MIF4GD: variants seen among roughly 807,000 people sequenced by gnomAD.
The protein encoded by MIF4GD is MIF4G domain containing.
In MIF4GD, 22 loss-of-function variants were observed where a neutral mutation model predicts 26.7. That is an observed-to-expected ratio of 0.82 (90% CI 0.59 to 1.18). MIF4GD has a LOEUF of 1.18. Ranked by LOEUF, MIF4GD falls within the 50% of genes most tolerant of loss-of-function variation. MIF4GD has a pLI of 0.00. For missense variants in MIF4GD, 262 were observed against 279.6 expected (o/e 0.94, Z 0.45); for synonymous variants, 137 against 111.6 (o/e 1.23, Z -1.43).
Position 75,270,765 on chromosome 17 carries a change from G to C in MIF4GD, c.-51+379C>G, listed in dbSNP as rs1333546559. On this transcript the variant is annotated intron_variant, in intron 1 of 5. Coordinates refer to ENST00000325102, the MANE Select transcript of MIF4GD (RefSeq NM_001370592.1). This position sits in a 1 kb window ranked among gnomAD's most constrained non-coding sequence, Gnocchi z 5.7. ...TCCCCCGGATGGGGCCGGCCTGCGT[G>C]GGTGGGGACGCAGGCGCCCTGTCCG... The C allele has an allele frequency of 6.4e-6, 1 of 155,656 alleles. No individual in the cohort carries two copies. The highest frequency in any genetic ancestry group is 2.4e-5 in the African/African-American group (1 of 41,486). 9.6% of individuals were successfully genotyped at this position (155,656 alleles called of 1,614,324 possible).
At position 75,266,875 on chromosome 17, in the gene MIF4GD, C is replaced by G; in HGVS notation, c.534G>C (p.Arg178=). Residue 178 remains arginine (R), a synonymous_variant, in exon 6 of 6, where the codon CGG becomes CGC. Coordinates refer to ENST00000325102, the MANE Select transcript of MIF4GD (RefSeq NM_001370592.1). ...GGCCAGTTGGGAGCAGGAAGCCATC[C>G]CGGATCAGCACAAAGAGCTCATCCA... The part of the protein sequence containing the change: ...QRMDELFVLI[R]DGFLLPTGLS... The G allele has an allele frequency of 6.2e-7, 1 of 1,614,186 alleles. No individual in the cohort carries two copies. The highest frequency in any genetic ancestry group is 1.3e-5 in the African/African-American group (1 of 75,042).
rs752277756 is a variant in MIF4GD, at chr17:75,266,890, G to A, written c.519C>T (p.Leu173=). 14 of 1,614,068 alleles carry A rather than the reference G, an allele frequency of 8.7e-6. No homozygotes were observed. Among genetic ancestry groups the A allele is most frequent in the African/African-American group, 1.3e-5 (1 of 74,922 alleles). ...GGAAGCCATCCCGGATCAGCACAAA[G>A]AGCTCATCCATGCGCTGCCCATTCA... The part of the protein sequence containing the change: ...EKMNGQRMDE[L]FVLIRDGFLL... The change falls in exon 6 of 6, where the codon CTC becomes CTT. Residue 173 remains leucine, a synonymous_variant. Transcript: ENST00000325102.
Position 75,266,691 on chromosome 17 carries a change from G to A in MIF4GD, c.*49C>T. ...AGAGACTCCACTGCCAGCTTTAGAGGTGGGTAGAAGAAAGGCCAGTGCTGG... is the reference window on the plus strand; with the variant it reads ...AGAGACTCCACTGCCAGCTTTAGAGATGGGTAGAAGAAAGGCCAGTGCTGG... On this transcript the variant is annotated 3_prime_UTR_variant, in exon 6 of 6. Coordinates refer to ENST00000325102, the MANE Select transcript of MIF4GD (RefSeq NM_001370592.1). 1.3e-6 allele frequency: 2 copies of A among 1,558,364 alleles called. No homozygotes were observed. Among genetic ancestry groups the A allele is most frequent in the Non-Finnish European group, 8.9e-7 (1 of 1,129,472 alleles).
In MIF4GD at chr17:75,270,272, C is replaced by T; in HGVS notation, c.-50-27G>A. ...TGAGGAGAAGAGGCGAAGGGAGCGG[C>T]CTCAGGTGTGGAGCGCAGGGCGGGT... On this transcript the variant is annotated intron_variant, in intron 1 of 5. Transcript: ENST00000325102. This position sits in a 1 kb window ranked among gnomAD's most constrained non-coding sequence, Gnocchi z 5.7. The T allele has an allele frequency of 7.4e-7, 1 of 1,351,978 alleles. No homozygotes were observed. Among genetic ancestry groups the T allele is most frequent in the Non-Finnish European group, 1.1e-6 (1 of 945,650 alleles). 83.7% of individuals were successfully genotyped at this position (1,351,978 alleles called of 1,614,324 possible).
rs1310650050 is a variant in MIF4GD, at chr17:75,270,983, C to T, written c.-51+161G>A. ...TGCGCCCCGGAGAGGTGGCTCCCGC[C>T]GGAGGCTCCCCTCTGGCCGTAGGAG... On this transcript the variant is annotated intron_variant, in intron 1 of 5. Coordinates refer to ENST00000325102, the MANE Select transcript of MIF4GD (RefSeq NM_001370592.1). This position sits in a 1 kb window ranked among gnomAD's most constrained non-coding sequence, Gnocchi z 5.7. 6.6e-6 allele frequency: 1 copy of T among 152,216 alleles called. No individual in the cohort carries two copies. Among genetic ancestry groups the T allele is most frequent in the African/African-American group, 2.4e-5 (1 of 41,454 alleles). The allele number at this position is 152,216 out of a possible 1,614,324, so 9.4% of individuals were successfully genotyped here. A position where few individuals can be genotyped will look rare whatever the true frequency, so the allele number is the denominator to read the frequency against.
In MIF4GD at chr17:75,266,602, G is replaced by A. The variant is rs2077491220; in HGVS notation, c.*138C>T. ...GCATAAGTGGGAAACATCTCACCAG[G>A]AGATGGGAAAGTCTAGAAGGGAAGA... On this transcript the variant is annotated 3_prime_UTR_variant, in exon 6 of 6. Transcript: ENST00000325102. 1 of 790,276 alleles carries A rather than the reference G, an allele frequency of 1.3e-6. No individual in the cohort carries two copies. The highest frequency in any genetic ancestry group is 1.7e-5 in the African/African-American group (1 of 58,318). 49.0% of individuals were successfully genotyped at this position (790,276 alleles called of 1,614,324 possible). A position where few individuals can be genotyped will look rare whatever the true frequency, so the allele number is the denominator to read the frequency against.
In MIF4GD at chr17:75,267,806, G is replaced by A; in HGVS notation, c.288C>T (p.Arg96=). 5 of 1,614,076 alleles carry A rather than the reference G, an allele frequency of 3.1e-6. No individual in the cohort carries two copies. The highest frequency in any genetic ancestry group is 3.4e-6 in the Non-Finnish European group (4 of 1,180,012). ...CATAGCAGACCCAGCCCTGCAGGGA[G>A]CGTGCTCGCAGCTGCTCCCGAGCCT... ...EYQAREQLRA[R]SLQGWVCYVT... The change falls in exon 4 of 6, where the codon CGC becomes CGT. Residue 96 remains arginine (R), a synonymous_variant. Coordinates refer to ENST00000325102, the MANE Select transcript of MIF4GD (RefSeq NM_001370592.1).
intron 2 of MIF4GD, chr17:75,269,547 A>T: frequency 1.3e-6 from 1 of 766,082 alleles, no homozygotes; most frequent in Non-Finnish European, 1.8e-6. Flanking sequence ...TTATGGTTAA[A>T]CTTTTTTTTT....
At chr17:75,268,671 C>CAAA (rs1192409186) in intron 2 of MIF4GD, among the ~76,000 whole-genome samples, 2 of 47,840 alleles carry the variant, frequency 4.2e-5, no homozygotes, top group Admixed American at 2.5e-4. Context: ...GACTCCGTCT[C>CAAA]AAAAAAAAAA....
rs2077488237 is a variant in MIF4GD at position 75,266,494 on chromosome 17, A to C, written c.*246T>G. 3 of 571,200 alleles carry C rather than the reference A, an allele frequency of 5.3e-6. No individual in the cohort carries two copies. The highest frequency in any genetic ancestry group is 6.3e-6 in the Non-Finnish European group (2 of 317,754). The allele number at this position is 571,200 out of a possible 1,614,324, so 35.4% of individuals were successfully genotyped here. ...GTAGTAGTTGCACTAATGGTTACAC[A>C]GTGCAGTGGCTCTTGGGAGTTGCCC... On this transcript the variant is annotated 3_prime_UTR_variant, in exon 6 of 6. Transcript: ENST00000325102.
intron 3 of MIF4GD, 22 bp from the exon 4 acceptor site, chr17:75,267,923 G>A (rs916964519): frequency 5.6e-6 from 9 of 1,606,838 alleles, no homozygotes; most frequent in Non-Finnish European, 6.8e-6. Context: ...GGAGAGGAAG[G>A]TGAAGGGTGG....
Position 75,268,083 on chromosome 17 carries a change from C to G in MIF4GD, c.192G>C (p.Gln64His). 1 of 1,614,124 alleles carries G rather than the reference C, an allele frequency of 6.2e-7. No homozygotes were observed. The highest frequency in any genetic ancestry group is 8.5e-7 in the Non-Finnish European group (1 of 1,179,934). ...TTCCTTTCCTCTCCCAACCCCCAAC[C>G]TGAATGATGGCGTAGCACATGCGTC... is the stretch of plus-strand genomic sequence containing the variant. ...EAGRMCYAII[Q>H]AESKQAGQSV... The change falls in exon 3 of 6, where the codon CAG becomes CAC. Residue 64 changes from glutamine (Q) to histidine (H), a missense_variant and splice_region_variant. Coordinates refer to ENST00000325102, the MANE Select transcript of MIF4GD (RefSeq NM_001370592.1).
At chr17:75,269,818 A>C (rs1336743170) in intron 2 of MIF4GD, among the ~76,000 whole-genome samples, 1 of 149,436 alleles carries the variant, frequency 6.7e-6, no homozygotes, top group African/African-American at 2.5e-5. Context: ...GACTCAAGCA[A>C]TCTGCCCACC....
chr17:75,267,471 C>CA (rs1567821249), intron 5 of MIF4GD, 67 bp downstream of exon 5: 2 of 1,513,836 alleles, frequency 1.3e-6, no homozygotes, highest in South Asian at 1.1e-5. Context: ...AGTGGGCTGA[C>CA]ACACGGCTGA....
chr17:75,266,298 G>T lies in MIF4GD; in HGVS notation c.*442C>A, dbSNP rs2077483192. 1 of 357,064 alleles carries T rather than the reference G, an allele frequency of 2.8e-6. No homozygotes were observed. Among genetic ancestry groups the T allele is most frequent in the Non-Finnish European group, 5.2e-6 (1 of 190,806 alleles). 22.1% of individuals were successfully genotyped at this position (357,064 alleles called of 1,614,324 possible). A position where few individuals can be genotyped will look rare whatever the true frequency, so the allele number is the denominator to read the frequency against. The stretch of plus-strand genomic sequence containing the variant: ...GGTGTAGCATGTGGTGCAGCATTCA[G>T]TGAAACTGGCTGGAGGAAATAGGCT... On this transcript the variant is annotated 3_prime_UTR_variant, in exon 6 of 6. Coordinates refer to ENST00000325102, the MANE Select transcript of MIF4GD (RefSeq NM_001370592.1).
At position 75,269,306 on chromosome 17, in the gene MIF4GD, G is replaced by T; in HGVS notation, c.82+808C>A. On this transcript the variant is annotated intron_variant, in intron 2 of 5. Coordinates refer to ENST00000325102, the MANE Select transcript of MIF4GD (RefSeq NM_001370592.1). ...TAGGGCCTCCCAACAGGCTCGGCTT[G>T]ACACATGATGGGTGTTGCTAATTAT... The T allele has an allele frequency of 1.9e-6, 3 of 1,609,678 alleles. No homozygotes were observed. In the South Asian group the frequency reaches 3.3e-5, roughly 18 times the overall value.
Position 75,267,986 on chromosome 17 carries a change from C to G in MIF4GD, c.193-85G>C, listed in dbSNP as rs1256381110. Reference sequence around the variant, plus strand: ...TCCTATGCCTCTCTCTCTCTTTGAGCTAGACCCTGTGCATCTCTGTCCTGC... The same window carrying G: ...TCCTATGCCTCTCTCTCTCTTTGAGGTAGACCCTGTGCATCTCTGTCCTGC... On this transcript the variant is annotated intron_variant, in intron 3 of 5. Coordinates refer to ENST00000325102, the MANE Select transcript of MIF4GD (RefSeq NM_001370592.1). The G allele has an allele frequency of 3.7e-6, 6 of 1,602,372 alleles. 1 individual carries two copies. The highest frequency in any genetic ancestry group is 3.8e-4 in the Middle Eastern group (2 of 5,228).
Position 75,266,288 on chromosome 17 carries a change from G to A in MIF4GD, c.*452C>T. 2.7e-6 allele frequency: 1 copy of A among 366,502 alleles called. No homozygotes were observed. The highest frequency in any genetic ancestry group is 2.8e-5 in the South Asian group (1 of 36,326). 22.7% of individuals were successfully genotyped at this position (366,502 alleles called of 1,614,324 possible). On this transcript the variant is annotated 3_prime_UTR_variant, in exon 6 of 6. Coordinates refer to ENST00000325102, the MANE Select transcript of MIF4GD (RefSeq NM_001370592.1). ...ACGCTGAACTGGTGTAGCATGTGGTGCAGCATTCAGTGAAACTGGCTGGAG... is the reference window on the plus strand; with the variant it reads ...ACGCTGAACTGGTGTAGCATGTGGTACAGCATTCAGTGAAACTGGCTGGAG...
intron 2 of MIF4GD, 130 bp downstream of exon 2, chr17:75,269,984 G>T: frequency 1.3e-6 from 1 of 745,122 alleles, no homozygotes; most frequent in Non-Finnish European, 2.3e-6. Context: ...CAAGAATTAC[G>T]TTGCCGACTC....
Sources: allele counts gnomAD v4.1 joint callset (sites outside exome capture counted in the v4.1 genomes callset), GRCh38; gene constraint gnomAD v4.1.1; non-coding constraint Gnocchi (gnomAD v3.1); transcripts MANE v1.5; gene names NCBI Gene and HGNC (gene_info 2026-07-23, HGNC 2026-07-21).